The following RBFOX1 variants were observed in gnomAD, a reference collection of about 807,000 sequenced individuals.
RBFOX1 encodes RNA binding protein fox-1 homolog 1.
In RBFOX1, 8 loss-of-function variants were observed where a neutral mutation model predicts 57.7. That is an observed-to-expected ratio of 0.14 (90% CI 0.08 to 0.25). The LOEUF is 0.25. Among genes scored for constraint, RBFOX1 ranks in the 10% least tolerant of loss-of-function variants. The pLI is 1.00. For missense variants in RBFOX1, 611 were observed against 548.5 expected (o/e 1.11, Z -1.14); for synonymous variants, 326 against 222.4 (o/e 1.47, Z -4.15).
intron 4 of RBFOX1, among the ~76,000 whole-genome samples, chr16:7,470,878 A>C (rs1225894359): frequency 6.6e-6 from 1 of 150,740 alleles, no homozygotes; most frequent in Non-Finnish European, 1.5e-5. Context: ...AGTAGATCTC[A>C]GGGCGGGATG....
At chr16:6,602,994 C>G (rs747550332) in intron 2 of RBFOX1, among the ~76,000 whole-genome samples, 1 of 152,058 alleles carries the variant, frequency 6.6e-6, no homozygotes, top group Admixed American at 6.6e-5. Context: ...CATCAGTGCA[C>G]CCAAGGAAAA....
chr16:7,300,952 T>G (rs1194798881), intron 4 of RBFOX1, among the ~76,000 whole-genome samples: 1 of 152,180 alleles, frequency 6.6e-6, no homozygotes, highest in Non-Finnish European at 1.5e-5. Flanking sequence ...CCATGTGATG[T>G]TGAATGTCTA....
At chr16:6,497,949 C>G (rs1050205510) in intron 2 of RBFOX1, among the ~76,000 whole-genome samples, 3 of 152,028 alleles carry the variant, frequency 2.0e-5, no homozygotes, top group Non-Finnish European at 4.4e-5. Flanking sequence ...TTACCCATGT[C>G]AAAAGATGAC....
intron 4 of RBFOX1, among the ~76,000 whole-genome samples, chr16:7,261,890 A>G (rs904517869): frequency 6.6e-6 from 1 of 152,148 alleles, no homozygotes; most frequent in African/African-American, 2.4e-5. Flanking sequence ...GGGCATCAAT[A>G]GTGTGAAAAG....
intron 4 of RBFOX1, among the ~76,000 whole-genome samples, chr16:5,907,204 A>G (rs1205401255): frequency 6.6e-6 from 1 of 152,206 alleles, no homozygotes; most frequent in Non-Finnish European, 1.5e-5. Context: ...GAACTAAGTC[A>G]GTGATTTATG....
intron 4 of RBFOX1, among the ~76,000 whole-genome samples, chr16:7,072,444 G>C (rs1256709105): frequency 6.6e-6 from 1 of 152,180 alleles, no homozygotes; most frequent in African/African-American, 2.4e-5. Context: ...TTAAGGGTAA[G>C]AGAATGCTTA....
At chr16:6,797,217 C>G (rs540419463) in intron 3 of RBFOX1, among the ~76,000 whole-genome samples, 1 of 152,250 alleles carries the variant, frequency 6.6e-6, no homozygotes, top group Non-Finnish European at 1.5e-5. Flanking sequence ...AGGAATCTGT[C>G]CAAATTGGCC....
intron 3 of RBFOX1, among the ~76,000 whole-genome samples, chr16:5,727,605 G>A (rs2052200626): frequency 6.6e-6 from 1 of 152,112 alleles, no homozygotes; most frequent in Admixed American, 6.5e-5. Context: ...AACAAAGTTT[G>A]TATACTTAGA....
chr16:6,826,777 A>C (rs1275874816), intron 3 of RBFOX1, among the ~76,000 whole-genome samples: 1 of 152,164 alleles, frequency 6.6e-6, no homozygotes, highest in African/African-American at 2.4e-5. Flanking sequence ...ATTATACTAC[A>C]AGAATGACTT....
chr16:6,750,756 C>T (rs1252464080), intron 3 of RBFOX1, among the ~76,000 whole-genome samples: 1 of 152,142 alleles, frequency 6.6e-6, no homozygotes, highest in East Asian at 1.9e-4. Context: ...GAGACAGACC[C>T]TTGCCTTTGT....
chr16:7,363,815 C>G (rs985946133), intron 4 of RBFOX1, among the ~76,000 whole-genome samples: 4 of 152,068 alleles, frequency 2.6e-5, no homozygotes, highest in Admixed American at 6.5e-5. Context: ...TGCCCAGAAT[C>G]TCCCGTCAGT....
intron 1 of RBFOX1, among the ~76,000 whole-genome samples, chr16:5,420,987 C>CCT (rs2067308230): frequency 5.9e-5 from 5 of 84,728 alleles, no homozygotes; most frequent in African/African-American, 5.8e-4. Flanking sequence ...TCTTCCCTTC[C>CCT]TCCTCCTCCT....
chr16:6,961,145 C>CACAGACACACACACACA (rs142889433), intron 3 of RBFOX1, among the ~76,000 whole-genome samples: 1 of 143,658 alleles, frequency 7.0e-6, no homozygotes, highest in Non-Finnish European at 1.5e-5. Context: ...TCACACACAC[C>CACAGACACACACACACA]CACACAGACA....
At chr16:7,084,020 A>C (rs1008356386) in intron 4 of RBFOX1, among the ~76,000 whole-genome samples, 1 of 151,452 alleles carries the variant, frequency 6.6e-6, no homozygotes. Context: ...AGGCCCTAAC[A>C]CTCTCCTGAT....
intron 2 of RBFOX1, among the ~76,000 whole-genome samples, chr16:5,545,220 C>T (rs760990777): frequency 3.9e-5 from 6 of 152,112 alleles, no homozygotes; most frequent in Non-Finnish European, 7.3e-5. Context: ...TCAGGTGATC[C>T]AACCGCCTTG....
At chr16:6,028,954 G>A (rs539402293) in intron 1 of RBFOX1, among the ~76,000 whole-genome samples, 4 of 152,244 alleles carry the variant, frequency 2.6e-5, no homozygotes, top group African/African-American at 9.6e-5. Context: ...TGTGAGCTTG[G>A]GCCAGTTACT....
At chr16:6,572,318 T>A (rs911459641) in intron 2 of RBFOX1, among the ~76,000 whole-genome samples, 1 of 152,320 alleles carries the variant, frequency 6.6e-6, no homozygotes, top group South Asian at 2.1e-4. Flanking sequence ...GATCTAGTTA[T>A]GAATTTTGCA....
Position 5,424,921 on chromosome 16 carries a change from T to C in RBFOX1, c.220-42295T>C, listed in dbSNP as rs1451100535. ...TTTCTTTCTTTCTTTCTTTCTTTCT[T>C]TCTTTCTTTCTTTCTCTCTCTTCTT... On this transcript the variant is annotated intron_variant, in intron 1 of 2. Coordinates refer to the RBFOX1 transcript ENST00000585867. 5.9e-4 allele frequency among the ~76,000 whole-genome samples: 61 copies of C among 103,954 alleles called. 2 individuals carry two copies. The East Asian group carries it at 6.5e-3, about 11-fold the overall frequency. 68.2% of individuals were successfully genotyped at this position (103,954 alleles called of 152,430 possible).
intron 4 of RBFOX1, among the ~76,000 whole-genome samples, chr16:7,169,203 G>C (rs967522494): frequency 1.3e-5 from 2 of 152,154 alleles, no homozygotes; most frequent in Admixed American, 6.5e-5. Flanking sequence ...ATATTTATAT[G>C]AACAGGATGT....
Sources: gnomAD v4.1 joint callset for allele counts (sites outside exome capture counted in the v4.1 genomes callset) on GRCh38, gnomAD v4.1.1 for gene constraint, MANE v1.5 for transcripts, NCBI Gene and HGNC (gene_info 2026-07-23, HGNC 2026-07-21) for gene names.